The following CTNNA3 variants were observed in gnomAD, a reference collection of about 807,000 sequenced individuals.
CTNNA3 encodes the protein catenin alpha-3.
CTNNA3 carries 76 observed loss-of-function variants against 95.7 expected under a neutral mutation model. The observed-to-expected ratio is 0.79, with a 90% CI of 0.66 to 0.96. The LOEUF is 0.96. Ranked by LOEUF, CTNNA3 falls within the 40% of genes least tolerant of loss-of-function variation. The pLI, the probability that CTNNA3 is intolerant of heterozygous loss-of-function variation, is 0.00. For synonymous variants in CTNNA3, 431 were observed against 374.4 expected, an observed-to-expected ratio of 1.15 and a Z score of -1.74; for missense variants, 1,191 against 1,089.8, an observed-to-expected ratio of 1.09 and a Z score of -1.31.
At chr10:67,757,204 T>G (rs1359984376) in intron 1 of CTNNA3, among the ~76,000 whole-genome samples, 1 of 152,236 alleles carries the variant, frequency 6.6e-6, no homozygotes, top group African/African-American at 2.4e-5. Flanking sequence ...TATGACAAAC[T>G]ATCCCTAAAC....
Position 67,180,471 on chromosome 10 carries a change from G to A in CTNNA3, c.893C>T (p.Pro298Leu). Residue 298 changes from proline (P) to leucine (L), a missense_variant, in exon 7 of 18, where the codon CCA becomes CTA. Coordinates refer to ENST00000433211, the MANE Select transcript of CTNNA3 (RefSeq NM_013266.4). ...PLTVTEEEIR[P>L]SLEKRLEAII... ...GGCTTCAAGGCGTTTCTCTAGTGATGGTCGTATTTCCTCCTCAGTTACTGT... is the reference window on the plus strand; with the variant it reads ...GGCTTCAAGGCGTTTCTCTAGTGATAGTCGTATTTCCTCCTCAGTTACTGT... The A allele has an allele frequency of 6.2e-7, 1 of 1,613,780 alleles. No homozygotes were observed. The highest frequency in any genetic ancestry group is 2.2e-5 in the East Asian group (1 of 44,854).
chr10:66,802,830 C>G (rs113288474), intron 7 of CTNNA3, among the ~76,000 whole-genome samples: 1 of 151,570 alleles, frequency 6.6e-6, no homozygotes, highest in African/African-American at 2.4e-5. Flanking sequence ...GATATAGCCA[C>G]GAATGTGGAG....
intron 14 of CTNNA3, among the ~76,000 whole-genome samples, chr10:66,097,287 A>G (rs952863944): frequency 6.6e-6 from 1 of 152,192 alleles, no homozygotes. Flanking sequence ...ATTTGTATTT[A>G]CAAAGCTCCC....
At position 67,547,170 on chromosome 10, in the gene CTNNA3, C is replaced by A. The variant is rs962973451; in HGVS notation, c.293-7501G>T. Among the ~76,000 whole-genome samples the A allele has an allele frequency of 1.2e-4, 18 of 152,090 alleles. 1 individual carries two copies. The highest frequency in any genetic ancestry group is 1.2e-3 in the Admixed American group (18 of 15,268). The stretch of plus-strand genomic sequence containing the variant: ...TTAAATGTCAGCATCTTCAGATACA[C>A]CTACCTTAAAGTATATTAAGACATA... On this transcript the variant is annotated intron_variant, in intron 3 of 17. Coordinates refer to ENST00000433211, the MANE Select transcript of CTNNA3 (RefSeq NM_013266.4).
chr10:67,483,636 A>T (rs1848329658), intron 5 of CTNNA3, among the ~76,000 whole-genome samples: 1 of 151,948 alleles, frequency 6.6e-6, no homozygotes, highest in Non-Finnish European at 1.5e-5. Context: ...GAGGAATAGC[A>T]TTAGGAGATA....
chr10:66,725,316 G>A (rs935197108), intron 9 of CTNNA3, among the ~76,000 whole-genome samples: 2 of 151,906 alleles, frequency 1.3e-5, no homozygotes, highest in African/African-American at 4.8e-5. Context: ...AAGAGATCTA[G>A]CACTAATATG....
intron 9 of CTNNA3, among the ~76,000 whole-genome samples, chr10:66,665,634 G>A (rs966647806): frequency 2.6e-5 from 4 of 152,190 alleles, no homozygotes; most frequent in Admixed American, 6.5e-5. Flanking sequence ...CTGTTTCAAT[G>A]CCAGCATAGG....
At chr10:66,027,822 C>T (rs910163099) in intron 15 of CTNNA3, among the ~76,000 whole-genome samples, 1 of 152,182 alleles carries the variant, frequency 6.6e-6, no homozygotes, top group Non-Finnish European at 1.5e-5. Flanking sequence ...TCAAAAAATA[C>T]TGACAGCCAA....
At chr10:67,719,469 G>T (rs1000786549) in intron 1 of CTNNA3, among the ~76,000 whole-genome samples, 8 of 152,080 alleles carry the variant, frequency 5.3e-5, no homozygotes, top group Admixed American at 2.6e-4. Context: ...CCACTGCTTT[G>T]AATGTGTCCC....
At chr10:67,587,193 T>TTG (rs57140243) in intron 3 of CTNNA3, among the ~76,000 whole-genome samples, 17,617 of 129,842 alleles carry the variant, frequency 0.14, 1,241 homozygotes, top group Middle Eastern at 0.2. Flanking sequence ...CCCAGCTAAC[T>TTG]TGTGTGTGTG....
intron 11 of CTNNA3, among the ~76,000 whole-genome samples, chr10:66,515,692 A>G (rs1840826304): frequency 6.6e-6 from 1 of 152,090 alleles, no homozygotes; most frequent in South Asian, 2.1e-4. Context: ...GGAAGCAAAC[A>G]CATCCTTTTT....
At chr10:65,984,732 TG>T (rs1055910493) in intron 16 of CTNNA3, among the ~76,000 whole-genome samples, 1 of 151,300 alleles carries the variant, frequency 6.6e-6, no homozygotes, top group Non-Finnish European at 1.5e-5. Context: ...CTTTGAAAAC[TG>T]GGTGTTTCAA....
chr10:66,530,802 T>C (rs1275709384), intron 10 of CTNNA3, among the ~76,000 whole-genome samples: 1 of 152,134 alleles, frequency 6.6e-6, no homozygotes, highest in Non-Finnish European at 1.5e-5. Flanking sequence ...AGACTCTCAT[T>C]TGCCTTGGAT....
At chr10:66,021,319 T>C (rs2079201423) in intron 15 of CTNNA3, among the ~76,000 whole-genome samples, 1 of 152,178 alleles carries the variant, frequency 6.6e-6, no homozygotes, top group African/African-American at 2.4e-5. Flanking sequence ...GAATCAGTGA[T>C]ACTGAAGAGC....
chr10:66,151,482 T>A (rs1260719521), intron 13 of CTNNA3, among the ~76,000 whole-genome samples: 2 of 151,990 alleles, frequency 1.3e-5, no homozygotes, highest in Admixed American at 6.6e-5. Context: ...TGTTTTCTTA[T>A]GTTTGGTAAC....
Position 66,611,976 on chromosome 10 carries a change from C to A in CTNNA3, c.1374+9716G>T, listed in dbSNP as rs1360051212. On this transcript the variant is annotated intron_variant, in intron 10 of 17. Coordinates refer to ENST00000433211, the MANE Select transcript of CTNNA3 (RefSeq NM_013266.4). ...TCTCAAGTTCTTGTAGTTTTATTTT[C>A]TATCATCTCAACCTGGATCTTCTGG... Among the ~76,000 whole-genome samples, 5 of 152,138 alleles carry A rather than the reference C, an allele frequency of 3.3e-5. No individual in the cohort carries two copies. In the South Asian group the frequency reaches 8.3e-4, roughly 25 times the overall value.
chr10:65,916,098 C>A lies in CTNNA3; in HGVS notation c.*4232G>T, dbSNP rs2077004540. Reference sequence around the variant, plus strand: ...TGGAAAATACTAATGCTGAACATATCATAATGGTATGGGAAAAGAGTCATA... The same window carrying A: ...TGGAAAATACTAATGCTGAACATATAATAATGGTATGGGAAAAGAGTCATA... On this transcript the variant is annotated 3_prime_UTR_variant, in exon 18 of 18. Coordinates refer to ENST00000433211, the MANE Select transcript of CTNNA3 (RefSeq NM_013266.4). The A allele has an allele frequency of 6.6e-6, 1 of 151,824 alleles. No individual in the cohort carries two copies. The highest frequency in any genetic ancestry group is 1.5e-5 in the Non-Finnish European group (1 of 67,974). The allele number at this position is 151,824 out of a possible 1,614,324, so 9.4% of individuals were successfully genotyped here.
intron 11 of CTNNA3, among the ~76,000 whole-genome samples, chr10:66,387,300 T>A (rs905329072): frequency 3.9e-5 from 6 of 151,912 alleles, no homozygotes; most frequent in African/African-American, 1.5e-4. Flanking sequence ...GAACAGACAC[T>A]TCTCAAAAGA....
chr10:66,473,154 T>C (rs1478241940), intron 11 of CTNNA3, among the ~76,000 whole-genome samples: 1 of 152,012 alleles, frequency 6.6e-6, no homozygotes, highest in Admixed American at 6.6e-5. Flanking sequence ...CATTTCTTTG[T>C]GGTGAGAACA....
Sources: gnomAD v4.1 joint callset for allele counts (sites outside exome capture counted in the v4.1 genomes callset) on GRCh38, gnomAD v4.1.1 for gene constraint, MANE v1.5 for transcripts, NCBI Gene and HGNC (gene_info 2026-07-23, HGNC 2026-07-21) for gene names.